SOX30: variants seen among roughly 807,000 people sequenced by gnomAD.
SOX30 encodes the protein transcription factor SOX-30.
SOX30 carries 17 observed loss-of-function variants against 58.6 expected under a neutral mutation model. The observed-to-expected ratio is 0.29, with a 90% confidence interval of 0.20 to 0.44. The LOEUF is 0.44. SOX30 is among the 20% of genes least tolerant of loss of function. The pLI, the probability that SOX30 is intolerant of heterozygous loss-of-function variation, is 1.00. For synonymous variants in SOX30, 421 were observed against 400.2 expected (o/e 1.05, Z -0.62); for missense variants, 951 against 965.8 (o/e 0.98, Z 0.20).
At chr5:157,632,149 G>GTTC (rs1758830323) in intron 4 of SOX30, among the ~76,000 whole-genome samples, 1 of 147,088 alleles carries the variant, frequency 6.8e-6, no homozygotes, top group African/African-American at 2.5e-5. Flanking sequence ...AGTACCCAAT[G>GTTC]TTCTGTGCCC....
chr5:157,655,329 A>G (rs1759451205), upstream of SOX30, among the ~76,000 whole-genome samples: 2 of 152,176 alleles, frequency 1.3e-5, no homozygotes, highest in Non-Finnish European at 2.9e-5. Flanking sequence ...ACAATTTTGG[A>G]TAAGTGGTGG....
intron 4 of SOX30, among the ~76,000 whole-genome samples, chr5:157,635,986 C>G (rs553456449): frequency 6.6e-6 from 1 of 152,330 alleles, no homozygotes; most frequent in African/African-American, 2.4e-5. Context: ...GGCTCTGCCA[C>G]TGTACAACCT....
chr5:157,642,293 G>C (rs912010711), intron 3 of SOX30, among the ~76,000 whole-genome samples: 1 of 148,942 alleles, frequency 6.7e-6, no homozygotes, highest in Non-Finnish European at 1.5e-5. Context: ...TCCAGCCTGG[G>C]AGACAGAGTA....
chr5:157,635,089 T>C (rs2113836249), intron 4 of SOX30, among the ~76,000 whole-genome samples: 1 of 152,346 alleles, frequency 6.6e-6, no homozygotes, highest in Non-Finnish European at 1.5e-5. Context: ...GGGGAAATTA[T>C]CATCAGACAC....
chr5:157,626,382 G>A lies in SOX30; in HGVS notation c.2220C>T (p.Asp740=). Residue 740 remains aspartate (D), a synonymous_variant, in exon 5 of 5, where the codon GAC becomes GAT. Coordinates refer to ENST00000265007, the MANE Select transcript of SOX30 (RefSeq NM_178424.2). ...CTTTTTCTTCTTCCTCCTCATCACT[G>A]TCGGTGACATTGACTTGCTGGATGC... ...PSSIQQVNVT[D]SDEEEEEKVL... The A allele has an allele frequency of 6.2e-7, 1 of 1,613,284 alleles. No individual in the cohort carries two copies. Among genetic ancestry groups the A allele is most frequent in the Non-Finnish European group, 8.5e-7 (1 of 1,179,634 alleles).
intron 1 of SOX30, among the ~76,000 whole-genome samples, chr5:157,668,355 A>G (rs1332246789): frequency 6.6e-6 from 1 of 152,200 alleles, no homozygotes; most frequent in Admixed American, 6.5e-5. Flanking sequence ...GTGGGTCCAG[A>G]GGATCCTGCC....
At position 157,626,726 on chromosome 5, in the gene SOX30, A is replaced by G. The variant is rs1758666350; in HGVS notation, c.1881-5T>C. ...GGCCGACTGTAAGGGCATGTACTGC[A>G]GCAGAAAAACACAAACAAGGAATTA... On this transcript the variant is annotated splice_polypyrimidine_tract_variant and splice_region_variant and intron_variant, in intron 4 of 4. Transcript: ENST00000265007. 2 of 1,584,758 alleles carry G rather than the reference A, an allele frequency of 1.3e-6. No homozygotes were observed. The highest frequency in any genetic ancestry group is 1.7e-6 in the Non-Finnish European group (2 of 1,168,368).
chr5:157,652,881 T>A (rs1309494516), upstream of SOX30, among the ~76,000 whole-genome samples: 1 of 152,184 alleles, frequency 6.6e-6, no homozygotes, highest in Non-Finnish European at 1.5e-5. Flanking sequence ...CTGCCAGTGA[T>A]CTTTCGAAAA....
chr5:157,651,884 G>T lies in SOX30; in HGVS notation c.195C>A (p.Pro65=). The part of the protein sequence containing the change: ...CGEAVASGLQ[P]AVRRLLQVKP... ...TCACCTGCAGCAGCCGCCGCACCGC[G>T]GGCTGTAAGCCGGACGCCACTGCCT... Residue 65 remains proline (P), a synonymous_variant, in exon 1 of 5, where the codon CCC becomes CCA. Coordinates refer to ENST00000265007, the MANE Select transcript of SOX30 (RefSeq NM_178424.2). 1.3e-6 allele frequency: 2 copies of T among 1,548,824 alleles called. No homozygotes were observed. Among genetic ancestry groups the T allele is most frequent in the Non-Finnish European group, 8.7e-7 (1 of 1,152,728 alleles).
intron 4 of SOX30, among the ~76,000 whole-genome samples, chr5:157,631,049 A>ATATATATATATATACAATATATATATTT (rs1758789166): frequency 1.3e-4 from 5 of 39,016 alleles, no homozygotes; most frequent in African/African-American, 4.3e-4. Flanking sequence ...TATATATTTT[A>ATATATATATATATACAATATATATATTT]TATATATATA....
In SOX30 at chr5:157,638,712, T is replaced by C; in HGVS notation, c.1398A>G (p.Ser466=). ...CAGGTGTGGGCAGCTGGATAGCAGGTGAGGTTTCACCTTTAGAAATAAAAA... is the reference window on the plus strand; with the variant it reads ...CAGGTGTGGGCAGCTGGATAGCAGGCGAGGTTTCACCTTTAGAAATAAAAA... The part of the protein sequence containing the change: ...NPITHPVGET[S]PAIQLPTPAV... The change falls in exon 4 of 5, where the codon TCA becomes TCG. Residue 466 remains serine (S), a synonymous_variant. Coordinates refer to ENST00000265007, the MANE Select transcript of SOX30 (RefSeq NM_178424.2). The C allele has an allele frequency of 4.4e-6, 7 of 1,605,366 alleles. No individual in the cohort carries two copies. The highest frequency in any genetic ancestry group is 6.0e-6 in the Non-Finnish European group (7 of 1,175,290).
At chr5:157,639,077 A>G (rs762631844) in intron 3 of SOX30, among the ~76,000 whole-genome samples, 5 of 152,174 alleles carry the variant, frequency 3.3e-5, no homozygotes, top group Non-Finnish European at 5.9e-5. Flanking sequence ...AAATGAATAA[A>G]ATTATTGATA....
intron 4 of SOX30, among the ~76,000 whole-genome samples, chr5:157,637,996 T>C (rs901677316): frequency 6.6e-6 from 1 of 152,066 alleles, no homozygotes; most frequent in Non-Finnish European, 1.5e-5. Context: ...CTGAAGCCTA[T>C]ATTCTTATGT....
At chr5:157,628,054 C>T (rs2113830201) in intron 4 of SOX30, among the ~76,000 whole-genome samples, 1 of 151,832 alleles carries the variant, frequency 6.6e-6, no homozygotes, top group Non-Finnish European at 1.5e-5. Flanking sequence ...GTAGTGCATG[C>T]CTGTAGTCCC....
intron 2 of SOX30, chr5:157,667,763 T>TAC (rs36105993): frequency 1.9e-3 from 2,578 of 1,342,954 alleles, no homozygotes; most frequent in South Asian, 2.9e-3. Flanking sequence ...CATACATACA[T>TAC]ACACACACAC....
chr5:157,644,751 T>C (rs1158043637), intron 3 of SOX30, among the ~76,000 whole-genome samples: 2 of 152,106 alleles, frequency 1.3e-5, no homozygotes, highest in African/African-American at 2.4e-5. Context: ...GAAGCCAAGA[T>C]GGGTGGATCA....
chr5:157,640,559 C>A (rs1759037153), intron 3 of SOX30, among the ~76,000 whole-genome samples: 1 of 152,094 alleles, frequency 6.6e-6, no homozygotes, highest in Non-Finnish European at 1.5e-5. Flanking sequence ...ATTGACCAGA[C>A]CTTGCAAGCT....
intron 4 of SOX30, among the ~76,000 whole-genome samples, chr5:157,632,202 C>CT (rs796454330): frequency 1.9e-4 from 29 of 152,134 alleles, no homozygotes; most frequent in African/African-American, 7.0e-4. Flanking sequence ...ATTCACAGCA[C>CT]TGTGTTAGTG....
chr5:157,660,105 G>A, intron 2 of SOX30, among the ~76,000 whole-genome samples: 1 of 152,218 alleles, frequency 6.6e-6, no homozygotes, highest in East Asian at 1.9e-4. Context: ...ATTGTAGCCT[G>A]AGCTAGTGTT....
Sources: gnomAD v4.1 joint callset for allele counts (sites outside exome capture counted in the v4.1 genomes callset) on GRCh38, gnomAD v4.1.1 for gene constraint, MANE v1.5 for transcripts, NCBI Gene and HGNC (gene_info 2026-07-23, HGNC 2026-07-21) for gene names.